Variants in ADGRB2 observed in about 807,000 individuals in gnomAD.
ADGRB2 encodes adhesion G protein-coupled receptor B2.
In ADGRB2, 47 loss-of-function variants were observed where a neutral mutation model predicts 178.7. The ratio of observed to expected loss-of-function variants is 0.26; its 90% CI spans 0.21 to 0.34. The LOEUF is 0.34. Ranked by LOEUF, ADGRB2 falls within the 10% of genes least tolerant of loss-of-function variation. The pLI, the probability that ADGRB2 is intolerant of heterozygous loss-of-function variation, is 1.00. For synonymous variants in ADGRB2, 870 were observed against 912.4 expected (o/e 0.95, Z 0.84); for missense variants, 1,584 against 2,180.8 (o/e 0.73, Z 5.45).
intron 14 of ADGRB2, 85 bp downstream of exon 14, chr1:31,739,841 C>T: frequency 7.4e-7 from 1 of 1,350,118 alleles, no homozygotes; most frequent in Non-Finnish European, 1.0e-6. Flanking sequence ...CAGAAAGATA[C>T]AAATACGGGG....
rs956847388 is a variant in ADGRB2 at position 31,754,706 on chromosome 1, G to C, written c.838+1293C>G. ...GATGTCTCATTGGAGAAGCCAAGAA[G>C]GCCCCCATCGAAAGTACTGGGTTAG... On this transcript the variant is annotated intron_variant, in intron 4 of 32. Transcript: ENST00000373658. The surrounding 1 kb of genome is among the most constrained non-coding windows in gnomAD (Gnocchi z 5.7). Among the ~76,000 whole-genome samples the C allele has an allele frequency of 3.3e-5, 5 of 152,218 alleles. No homozygotes were observed. Among genetic ancestry groups the C allele is most frequent in the Admixed American group, 1.3e-4 (2 of 15,290 alleles).
At chr1:31,738,353 C>T (rs1645741367) in intron 17 of ADGRB2, 27 bp from the exon 18 acceptor site, 3 of 1,609,748 alleles carry the variant, frequency 1.9e-6, no homozygotes, top group Non-Finnish European at 2.5e-6. Context: ...ATTCAGTGAG[C>T]CCCAGGCCAG....
chr1:31,747,980 C>T (rs1646362208), intron 4 of ADGRB2, among the ~76,000 whole-genome samples: 1 of 152,214 alleles, frequency 6.6e-6, no homozygotes, highest in Admixed American at 6.5e-5. Context: ...TCCTCCCATC[C>T]AGCTCCTGTG....
Position 31,764,089 on chromosome 1 carries a change from G to A in ADGRB2, c.-396C>T. The A allele has an allele frequency of 1.0e-6, 1 of 965,810 alleles. No individual in the cohort carries two copies. Among genetic ancestry groups the A allele is most frequent in the Non-Finnish European group, 1.2e-6 (1 of 815,824 alleles). The allele number at this position is 965,810 out of a possible 1,614,324, so 59.8% of individuals were successfully genotyped here. A position where few individuals can be genotyped will look rare whatever the true frequency, so the allele number is the denominator to read the frequency against. On this transcript the variant is annotated 5_prime_UTR_variant, in exon 1 of 33. Transcript: ENST00000373658. This position sits in a 1 kb window ranked among gnomAD's most constrained non-coding sequence, Gnocchi z 7.3. Reference sequence around the variant, plus strand: ...GCGGGGCGGGCGGGCGGGCGGCGCCGGGCCGGGCGCGGGCTCCTGCCGCCG... The same window carrying A: ...GCGGGGCGGGCGGGCGGGCGGCGCCAGGCCGGGCGCGGGCTCCTGCCGCCG...
rs1646789628 is a variant in ADGRB2, at chr1:31,755,551, C to G, written c.838+448G>C. ...TGTGGACAGGAATGCATCCCTGCTC[C>G]CTGCCTACTCCAGCCTCCAGGCAAA... On this transcript the variant is annotated intron_variant, in intron 4 of 32. Coordinates refer to ENST00000373658, the MANE Select transcript of ADGRB2 (RefSeq NM_001364857.2). The surrounding 1 kb of genome is among the most constrained non-coding windows in gnomAD (Gnocchi z 5.1). Among the ~76,000 whole-genome samples the G allele has an allele frequency of 6.6e-6, 1 of 152,082 alleles. No homozygotes were observed. The highest frequency in any genetic ancestry group is 1.5e-5 in the Non-Finnish European group (1 of 68,018).
At position 31,744,276 on chromosome 1, in the gene ADGRB2, G is replaced by A; in HGVS notation, c.1004C>T (p.Ser335Phe). 6.4e-7 allele frequency: 1 copy of A among 1,551,380 alleles called. No homozygotes were observed. The highest frequency in any genetic ancestry group is 8.7e-7 in the Non-Finnish European group (1 of 1,146,900). The change falls in exon 6 of 33, where the codon TCC becomes TTC. Residue 335 changes from serine (S) to phenylalanine (F), a missense_variant. Ser to Phe is a radical substitution (Grantham distance 155). This residue lies in a region of ADGRB2 where 657 missense variants were observed against 847.6 expected (regional missense o/e 0.78). Coordinates refer to ENST00000373658, the MANE Select transcript of ADGRB2 (RefSeq NM_001364857.2). The surrounding 1 kb of genome is among the most constrained non-coding windows in gnomAD (Gnocchi z 6.7). ...CGQGLQVRTR[S>F]CVSSPYGTLC... ...GGTCCCATAGGGGGAGGACACACAG[G>A]AGCGGGTCCGCACCTGCAGACCCTG...
Position 31,740,577 on chromosome 1 carries a change from T to G in ADGRB2, c.1795-36A>C, listed in dbSNP as rs770876999. On this transcript the variant is annotated intron_variant, in intron 11 of 32. Transcript: ENST00000373658. This position sits in a 1 kb window ranked among gnomAD's most constrained non-coding sequence, Gnocchi z 5.9. ...TGAGGGGGCCACAGTCACTGAAGTG[T>G]CAGGAGCTGGAACCAGACCCTGGCC... The G allele has an allele frequency of 1.7e-5, 26 of 1,542,988 alleles. No homozygotes were observed. The highest frequency in any genetic ancestry group is 2.3e-5 in the Non-Finnish European group (26 of 1,143,298).
rs770857327 is a variant in ADGRB2 at position 31,731,128 on chromosome 1, T to C, written c.4052A>G (p.Tyr1351Cys). ...CAAAGTCCGCCGGGGCAGCACCATG[T>C]AGTCTCCCTCAGAGCCTGGCTCAGT... Reference protein sequence around the residue: ...RPTEPGSEGDYMVLPRRTLSL... With the variant: ...RPTEPGSEGDCMVLPRRTLSL... Residue 1351 changes from tyrosine (Y) to cysteine (C), a missense_variant, in exon 29 of 33, where the codon TAC becomes TGC. Physicochemically the swap from Tyr to Cys is radical, Grantham distance 194 (BLOSUM62 -2). This residue lies in a region of ADGRB2 where 865 missense variants were observed against 1,192.8 expected (regional missense o/e 0.73). Coordinates refer to ENST00000373658, the MANE Select transcript of ADGRB2 (RefSeq NM_001364857.2). 1.3e-6 allele frequency: 2 copies of C among 1,589,630 alleles called. No homozygotes were observed. The highest frequency in any genetic ancestry group is 3.5e-5 in the Admixed American group (2 of 56,878).
chr1:31,742,337 C>T, intron 7 of ADGRB2, 120 bp from the exon 8 acceptor site: 3 of 1,367,980 alleles, frequency 2.2e-6, no homozygotes, highest in African/African-American at 1.5e-5. Flanking sequence ...CAGGCCAGAC[C>T]CACTGGAGTG....
At chr1:31,750,592 C>T (rs1415315435) in intron 4 of ADGRB2, among the ~76,000 whole-genome samples, 2 of 152,132 alleles carry the variant, frequency 1.3e-5, no homozygotes, top group Admixed American at 1.3e-4. Context: ...AGGGAGAGAG[C>T]GCTGTGATTT....
intron 4 of ADGRB2, among the ~76,000 whole-genome samples, chr1:31,745,281 A>G (rs933389836): frequency 2.0e-5 from 3 of 152,200 alleles, no homozygotes; most frequent in African/African-American, 7.2e-5. Flanking sequence ...CTCCCCAAGC[A>G]GCACTGGACT....
Position 31,740,094 on chromosome 1 carries a change from C to A in ADGRB2, c.2058+16G>T. 1 of 1,614,146 alleles carries A rather than the reference C, an allele frequency of 6.2e-7. No individual in the cohort carries two copies. The highest frequency in any genetic ancestry group is 8.5e-7 in the Non-Finnish European group (1 of 1,180,018). ...GGTGGGTCACGGGAGGAGAAGCTGG[C>A]AGCTGTGCCCCGCACCTGCTGAGCA... On this transcript the variant is annotated intron_variant, in intron 13 of 32. Coordinates refer to ENST00000373658, the MANE Select transcript of ADGRB2 (RefSeq NM_001364857.2). The surrounding 1 kb of genome is among the most constrained non-coding windows in gnomAD (Gnocchi z 5.9).
Position 31,758,477 on chromosome 1 carries a change from C to T in ADGRB2, c.-190-966G>A, listed in dbSNP as rs1017779233. On this transcript the variant is annotated intron_variant, in intron 1 of 32. Coordinates refer to ENST00000373658, the MANE Select transcript of ADGRB2 (RefSeq NM_001364857.2). The surrounding 1 kb of genome is among the most constrained non-coding windows in gnomAD (Gnocchi z 4.2). ...CCAAGACACAGTTGCTCCCAGGGAA[C>T]AGACTTCCCCTTGGGTCTTCAGGAG... is the stretch of plus-strand genomic sequence containing the variant. 6.6e-6 allele frequency among the ~76,000 whole-genome samples: 1 copy of T among 152,224 alleles called. No individual in the cohort carries two copies. The highest frequency in any genetic ancestry group is 6.5e-5 in the Admixed American group (1 of 15,294).
At position 31,742,223 on chromosome 1, in the gene ADGRB2, T is replaced by A; in HGVS notation, c.1253-6A>T. 1 of 1,590,436 alleles carries A rather than the reference T, an allele frequency of 6.3e-7. No homozygotes were observed. The highest frequency in any genetic ancestry group is 1.1e-5 in the South Asian group (1 of 88,350). On this transcript the variant is annotated splice_polypyrimidine_tract_variant and splice_region_variant and intron_variant, in intron 7 of 32. Coordinates refer to ENST00000373658, the MANE Select transcript of ADGRB2 (RefSeq NM_001364857.2). ...TTCTAACCACTGGCCTTCCACTGCA[T>A]GGGGAGACACAAGCAGGGGTGGCTG...
rs1645069948 is a variant in ADGRB2, at chr1:31,727,932, A to T, written c.4572+93T>A. 1 of 1,439,828 alleles carries T rather than the reference A, an allele frequency of 6.9e-7. No individual in the cohort carries two copies. Among genetic ancestry groups the T allele is most frequent in the East Asian group, 2.5e-5 (1 of 40,146 alleles). The allele number at this position is 1,439,828 out of a possible 1,614,324, so 89.2% of individuals were successfully genotyped here. A position where few individuals can be genotyped will look rare whatever the true frequency, so the allele number is the denominator to read the frequency against. On this transcript the variant is annotated intron_variant, in intron 32 of 32. Coordinates refer to ENST00000373658, the MANE Select transcript of ADGRB2 (RefSeq NM_001364857.2). This position sits in a 1 kb window ranked among gnomAD's most constrained non-coding sequence, Gnocchi z 4.4. ...CATGCCGTGGGGGAGGCCCTTGGTG[A>T]GACAGGCTGGGGTTGCCTGGGAGGG...
chr1:31,729,774 G>A (rs143838289), intron 29 of ADGRB2, among the ~76,000 whole-genome samples: 14 of 152,358 alleles, frequency 9.2e-5, no homozygotes, highest in African/African-American at 2.2e-4. Context: ...AACAGTGGCC[G>A]GCAGGCAGGT....
chr1:31,730,294 C>G (rs1176825376), intron 29 of ADGRB2, among the ~76,000 whole-genome samples: 1 of 152,228 alleles, frequency 6.6e-6, no homozygotes, highest in Non-Finnish European at 1.5e-5. Context: ...GGGGTGCTAA[C>G]AGCAGCAATC....
At position 31,756,383 on chromosome 1, in the gene ADGRB2, G is replaced by A; in HGVS notation, c.454C>T (p.His152Tyr). The A allele has an allele frequency of 6.2e-7, 1 of 1,613,036 alleles. No individual in the cohort carries two copies. Among genetic ancestry groups the A allele is most frequent in the Non-Finnish European group, 8.5e-7 (1 of 1,179,958 alleles). ...CSGSGPFTFLHFDKNFVQLCL... is the reference protein window; with the variant it reads ...CSGSGPFTFLYFDKNFVQLCL... ...AGCTGCACGAAGTTCTTGTCGAAGT[G>A]CAGGAAGGTAAAGGGGCCTGAGCCG... The change falls in exon 4 of 33, where the codon CAC becomes TAC. Residue 152 changes from histidine (H) to tyrosine (Y), a missense_variant. By Grantham distance (83) the His-to-Tyr change is moderately conservative (BLOSUM62 2). Transcript: ENST00000373658. This position sits in a 1 kb window ranked among gnomAD's most constrained non-coding sequence, Gnocchi z 8.5.
At chr1:31,743,150 T>A in intron 6 of ADGRB2, 148 bp from the exon 7 acceptor site, 1 of 976,608 alleles carries the variant, frequency 1.0e-6, no homozygotes, top group Non-Finnish European at 1.4e-6. Context: ...CAGGGGGATC[T>A]CCCAGGGCCC....
Sources: gnomAD v4.1 joint callset for allele counts (sites outside exome capture counted in the v4.1 genomes callset) on GRCh38, gnomAD v4.1.1 for gene constraint, gnomAD v4.1.1 regional missense constraint, Gnocchi (gnomAD v3.1) non-coding constraint, MANE v1.5 for transcripts, NCBI Gene and HGNC (gene_info 2026-07-23, HGNC 2026-07-21) for gene names.